Variants in MAN1C1 observed in about 807,000 individuals in gnomAD.
MAN1C1 encodes the protein mannosidase alpha class 1C member 1, also known as mannosyl-oligosaccharide 1,2-alpha-mannosidase IC.
A neutral mutation model predicts 71.5 loss-of-function variants in MAN1C1; 49 were observed. The ratio of observed to expected loss-of-function variants is 0.69; its 90% confidence interval spans 0.54 to 0.87. The LOEUF (loss-of-function observed/expected upper bound fraction) is 0.87, where lower values mean the gene tolerates loss of function less well. Ranked by LOEUF, MAN1C1 falls within the 40% of genes least tolerant of loss-of-function variation. The pLI, the probability that MAN1C1 is intolerant of heterozygous loss-of-function variation, is 0.00. For missense variants in MAN1C1, 743 were observed against 835.0 expected (o/e 0.89, Z 1.36); for synonymous variants, 352 against 343.7 (o/e 1.02, Z -0.27).
rs1371066067 is a variant in MAN1C1, at chr1:25,783,570, C to G, written c.1767-93C>G. On this transcript the variant is annotated intron_variant, in intron 11 of 11. Coordinates refer to ENST00000374332, the MANE Select transcript of MAN1C1 (RefSeq NM_020379.4). Reference sequence around the variant, plus strand: ...CTCCAGACCTTGACCATAGGCCTATCACAAAGGCCCTGAGACTTGTTCCCA... The same window carrying G: ...CTCCAGACCTTGACCATAGGCCTATGACAAAGGCCCTGAGACTTGTTCCCA... 3 of 1,436,262 alleles carry G rather than the reference C, an allele frequency of 2.1e-6. No homozygotes were observed. The African/African-American group carries it at 4.2e-5, about 20-fold the overall frequency. 89.0% of individuals were successfully genotyped at this position (1,436,262 alleles called of 1,614,324 possible). A position where few individuals can be genotyped will look rare whatever the true frequency, so the allele number is the denominator to read the frequency against.
At chr1:25,709,524 A>T (rs1475562994) in intron 2 of MAN1C1, 1 of 152,210 alleles carries the variant, frequency 6.6e-6, no homozygotes, top group Non-Finnish European at 1.5e-5. Context: ...GCTCTTACCC[A>T]GGGCTCTGTG....
chr1:25,739,646 G>GC, intron 2 of MAN1C1, among the ~76,000 whole-genome samples: 1 of 152,272 alleles, frequency 6.6e-6, no homozygotes, highest in Non-Finnish European at 1.5e-5. Flanking sequence ...GCAGCTCCTG[G>GC]GGAGGAGGTT....
chr1:25,697,520 A>G lies in MAN1C1; in HGVS notation c.637+10984A>G, dbSNP rs532745363. On this transcript the variant is annotated intron_variant, in intron 2 of 11. Coordinates refer to ENST00000374332, the MANE Select transcript of MAN1C1 (RefSeq NM_020379.4). ...ATAATGCTGATACGAACATTCATGTATAAGCTTTTGTGTAGACATAGGTTT... is the reference window on the plus strand; with the variant it reads ...ATAATGCTGATACGAACATTCATGTGTAAGCTTTTGTGTAGACATAGGTTT... Among the ~76,000 whole-genome samples, 3 of 152,344 alleles carry G rather than the reference A, an allele frequency of 2.0e-5. No individual in the cohort carries two copies. In the East Asian group the frequency reaches 5.8e-4, roughly 29 times the overall value.
At chr1:25,625,500 G>A (rs556708106) in intron 1 of MAN1C1, among the ~76,000 whole-genome samples, 13 of 152,104 alleles carry the variant, frequency 8.5e-5, no homozygotes, top group African/African-American at 2.9e-4. Context: ...GATTAGTTTT[G>A]CCTGTTCTAG....
At chr1:25,729,113 G>A (rs2046873594) in intron 2 of MAN1C1, among the ~76,000 whole-genome samples, 1 of 152,240 alleles carries the variant, frequency 6.6e-6, no homozygotes, top group African/African-American at 2.4e-5. Context: ...TCAACATAGA[G>A]ACCAAACCCC....
intron 8 of MAN1C1, among the ~76,000 whole-genome samples, chr1:25,773,578 G>T (rs982881260): frequency 5.3e-5 from 8 of 152,202 alleles, no homozygotes; most frequent in Non-Finnish European, 1.2e-4. Flanking sequence ...TTAGTGTGCA[G>T]CTGGTGGTGG....
chr1:25,780,944 C>A lies in MAN1C1; in HGVS notation c.1482C>A (p.Thr494=), dbSNP rs184209085. 4 of 1,613,814 alleles carry A rather than the reference C, an allele frequency of 2.5e-6. No individual in the cohort carries two copies. The East Asian group carries it at 6.7e-5, about 27-fold the overall frequency. The part of the protein sequence containing the change: ...TCHESYARSD[T]KLGPEAFWFN... ...TCTGCTTGGCTGTTTCCCCAGACAC[C>A]AAACTTGGGCCTGAGGCCTTCTGGT... Residue 494 remains threonine, a synonymous_variant, in exon 10 of 12, where the codon ACC becomes ACA. Transcript: ENST00000374332.
rs969463975 is a variant in MAN1C1 at position 25,746,172 on chromosome 1, G to A, written c.638-496G>A. Among the ~76,000 whole-genome samples the A allele has an allele frequency of 4.6e-5, 7 of 152,042 alleles. No homozygotes were observed. The highest frequency in any genetic ancestry group is 1.3e-4 in the Admixed American group (2 of 15,266). On this transcript the variant is annotated intron_variant, in intron 2 of 11. Coordinates refer to ENST00000374332, the MANE Select transcript of MAN1C1 (RefSeq NM_020379.4). The surrounding 1 kb of genome is among the most constrained non-coding windows in gnomAD (Gnocchi z 4.0). ...ATACAAAAATTATCTGGGCGTGGTG[G>A]TGGACACCTGTGGTCCCAGCTACTT... is the stretch of plus-strand genomic sequence containing the variant.
chr1:25,662,091 C>T (rs942876936), intron 1 of MAN1C1, among the ~76,000 whole-genome samples: 3 of 152,226 alleles, frequency 2.0e-5, no homozygotes. Flanking sequence ...GTTGTCCCCT[C>T]ACTTATAATT....
chr1:25,705,388 A>G (rs2993235), intron 2 of MAN1C1, among the ~76,000 whole-genome samples: 6,581 of 152,312 alleles, frequency 0.043, 475 homozygotes, highest in African/African-American at 0.15. Flanking sequence ...GTCAGATGGT[A>G]AACACCTGAA....
Position 25,746,719 on chromosome 1 carries a change from TG to T in MAN1C1, c.691del (p.Glu231SerfsTer2), listed in dbSNP as rs2047133786. 6.4e-7 allele frequency: 1 copy of T among 1,574,384 alleles called. No individual in the cohort carries two copies. Among genetic ancestry groups the T allele is most frequent in the Non-Finnish European group, 8.6e-7 (1 of 1,158,550 alleles). On this transcript the variant is annotated frameshift_variant, in exon 3 of 12. Transcript: ENST00000374332. LOFTEE classifies it high-confidence loss of function. This position sits in a 1 kb window ranked among gnomAD's most constrained non-coding sequence, Gnocchi z 4.0. ...VIDSLDTLYL[M>X]ELKEEFQEAK... Reference sequence around the variant, plus strand: ...GACTCCCTCGATACCCTCTACCTCATGGAGCTGAAGGAGGAGTTCCAGGAGG... The same window carrying T: ...GACTCCCTCGATACCCTCTACCTCATGAGCTGAAGGAGGAGTTCCAGGAGG...
rs116221560 is a variant in MAN1C1, at chr1:25,745,323, A to C, written c.638-1345A>C. On this transcript the variant is annotated intron_variant, in intron 2 of 11. Transcript: ENST00000374332. ...GTGTATTTGTTTGGTTTCTTTGCCC[A>C]AATTTTCTTTCCTTTTTTTTTTTTA... is the stretch of plus-strand genomic sequence containing the variant. Among the ~76,000 whole-genome samples the C allele has an allele frequency of 9.0e-3, 1,105 of 123,012 alleles. 21 individuals carry two copies. The highest frequency in any genetic ancestry group is 0.029 in the African/African-American group (1,045 of 36,068). The allele number at this position is 123,012 out of a possible 152,430, so 80.7% of individuals were successfully genotyped here.
intron 6 of MAN1C1, among the ~76,000 whole-genome samples, chr1:25,763,066 G>A (rs1318314298): frequency 1.3e-5 from 2 of 152,018 alleles, no homozygotes; most frequent in Non-Finnish European, 2.9e-5. Flanking sequence ...TCAAGAGTTC[G>A]AGACCAGCCT....
At chr1:25,762,025 C>T (rs1033231845) in intron 6 of MAN1C1, among the ~76,000 whole-genome samples, 1 of 151,994 alleles carries the variant, frequency 6.6e-6, no homozygotes, top group African/African-American at 2.4e-5. Flanking sequence ...ACACAATATC[C>T]TCTGGGTTCA....
intron 2 of MAN1C1, among the ~76,000 whole-genome samples, chr1:25,722,602 T>G (rs758028118): frequency 6.6e-6 from 1 of 152,256 alleles, no homozygotes; most frequent in Non-Finnish European, 1.5e-5. Context: ...CATTCTGTTC[T>G]TGTCTCACAG....
chr1:25,654,896 C>T (rs912796318), intron 1 of MAN1C1, among the ~76,000 whole-genome samples: 5 of 152,110 alleles, frequency 3.3e-5, no homozygotes, highest in African/African-American at 4.8e-5. Context: ...CTGCCCACCT[C>T]GGCCTCCCAA....
chr1:25,733,500 C>T (rs1315004031), intron 2 of MAN1C1, among the ~76,000 whole-genome samples: 1 of 152,286 alleles, frequency 6.6e-6, no homozygotes, highest in East Asian at 1.9e-4. Flanking sequence ...TCCTTCAAGC[C>T]TCTGCCCGAA....
chr1:25,667,022 T>C (rs1161670475), intron 1 of MAN1C1, among the ~76,000 whole-genome samples: 1 of 152,130 alleles, frequency 6.6e-6, no homozygotes, highest in Non-Finnish European at 1.5e-5. Flanking sequence ...GGAGGCAGCA[T>C]AGGAAAGAGA....
Position 25,730,065 on chromosome 1 carries a change from G to T in MAN1C1, c.638-16603G>T, listed in dbSNP as rs2046888802. Among the ~76,000 whole-genome samples, 1 of 152,142 alleles carries T rather than the reference G, an allele frequency of 6.6e-6. No individual in the cohort carries two copies. Among genetic ancestry groups the T allele is most frequent in the Non-Finnish European group, 1.5e-5 (1 of 68,024 alleles). ...AGCTGCAGCCTCCGTAAGGACAGAGGTCAGGCCTGATGCATCCTAGAATCT... is the reference window on the plus strand; with the variant it reads ...AGCTGCAGCCTCCGTAAGGACAGAGTTCAGGCCTGATGCATCCTAGAATCT... On this transcript the variant is annotated intron_variant, in intron 2 of 11. Coordinates refer to ENST00000374332, the MANE Select transcript of MAN1C1 (RefSeq NM_020379.4). The surrounding 1 kb of genome is among the most constrained non-coding windows in gnomAD (Gnocchi z 4.3).
Sources: gnomAD v4.1 joint callset for allele counts (sites outside exome capture counted in the v4.1 genomes callset) on GRCh38, gnomAD v4.1.1 for gene constraint, Gnocchi (gnomAD v3.1) non-coding constraint, MANE v1.5 for transcripts, NCBI Gene and HGNC (gene_info 2026-07-23, HGNC 2026-07-21) for gene names.